The following APBA1 variants were observed in gnomAD, a reference collection of about 807,000 sequenced individuals.
APBA1 encodes amyloid-beta A4 precursor protein-binding family A member 1.
In APBA1, 55 loss-of-function variants were observed where a neutral mutation model predicts 86.6. That is an observed-to-expected ratio of 0.64 (90% CI 0.51 to 0.80). The LOEUF (loss-of-function observed/expected upper bound fraction) is 0.80. Ranked by LOEUF, APBA1 falls within the 30% of genes least tolerant of loss-of-function variation. APBA1 has a pLI of 0.00. For synonymous variants in APBA1, 511 were observed against 493.9 expected (o/e 1.03, Z -0.46); for missense variants, 1,090 against 1,183.0 (o/e 0.92, Z 1.15).
intron 11 of APBA1, among the ~76,000 whole-genome samples, chr9:69,432,892 T>C (rs759246817): frequency 4.6e-5 from 7 of 152,150 alleles, no homozygotes; most frequent in Admixed American, 2.0e-4. Context: ...ACAGAGACTG[T>C]AGCACATCAC....
At chr9:69,475,130 G>A (rs1265378324) in intron 3 of APBA1, among the ~76,000 whole-genome samples, 1 of 152,170 alleles carries the variant, frequency 6.6e-6, no homozygotes, top group Admixed American at 6.5e-5. Context: ...CCTGGGTACG[G>A]GGGAAGGCAG....
chr9:69,471,356 A>G (rs1487952343), intron 4 of APBA1, among the ~76,000 whole-genome samples: 3 of 152,110 alleles, frequency 2.0e-5, no homozygotes, highest in Non-Finnish European at 4.4e-5. Flanking sequence ...GAATAAGGAG[A>G]CTTGGGTTTT....
At chr9:69,461,535 G>A (rs556820666) in intron 5 of APBA1, 13 of 152,228 alleles carry the variant, frequency 8.5e-5, no homozygotes, top group Non-Finnish European at 1.8e-4. Context: ...ACACCCCTGT[G>A]AGCTACTACC....
chr9:69,633,404 A>C (rs1383539333), intron 1 of APBA1, among the ~76,000 whole-genome samples: 2 of 152,182 alleles, frequency 1.3e-5, no homozygotes, highest in African/African-American at 4.8e-5. Flanking sequence ...AATACTTTCT[A>C]TAAGCAGAAA....
chr9:69,465,824 TAGA>T (rs1422448178), intron 5 of APBA1, among the ~76,000 whole-genome samples: 1 of 152,194 alleles, frequency 6.6e-6, no homozygotes, highest in Non-Finnish European at 1.5e-5. Flanking sequence ...AGGCTAATTT[TAGA>T]AGAAGACAAA....
chr9:69,558,866 A>G (rs919765558), intron 1 of APBA1, among the ~76,000 whole-genome samples: 2 of 152,106 alleles, frequency 1.3e-5, no homozygotes, highest in Non-Finnish European at 2.9e-5. Flanking sequence ...TTGCAAGATT[A>G]CTTTAAATTT....
chr9:69,639,407 A>G (rs1823241622), intron 1 of APBA1, among the ~76,000 whole-genome samples: 4 of 152,148 alleles, frequency 2.6e-5, no homozygotes, highest in South Asian at 2.1e-4. Flanking sequence ...AAACTAAGAG[A>G]ACCTCTCAGG....
At chr9:69,544,059 C>A (rs147652478) in intron 1 of APBA1, among the ~76,000 whole-genome samples, 1 of 152,116 alleles carries the variant, frequency 6.6e-6, no homozygotes, top group African/African-American at 2.4e-5. Context: ...GTGGAGTGCT[C>A]GTATCAAGAA....
At chr9:69,497,531 G>T (rs1374370246) in intron 2 of APBA1, among the ~76,000 whole-genome samples, 1 of 152,160 alleles carries the variant, frequency 6.6e-6, no homozygotes, top group Non-Finnish European at 1.5e-5. Context: ...CATCCCCAAA[G>T]TCCGAGAGTA....
At chr9:69,510,876 A>G (rs1191388675) in intron 2 of APBA1, among the ~76,000 whole-genome samples, 1 of 146,076 alleles carries the variant, frequency 6.8e-6, no homozygotes, top group Admixed American at 6.9e-5. Context: ...CATATGTAGA[A>G]AGCTGAAACT....
chr9:69,584,367 T>A (rs1219072661), intron 1 of APBA1, among the ~76,000 whole-genome samples: 2 of 152,178 alleles, frequency 1.3e-5, no homozygotes, highest in African/African-American at 4.8e-5. Context: ...TATCCTCACA[T>A]TAAGCCTATG....
At chr9:69,489,905 A>C (rs1274142460) in intron 2 of APBA1, among the ~76,000 whole-genome samples, 1 of 152,170 alleles carries the variant, frequency 6.6e-6, no homozygotes, top group Non-Finnish European at 1.5e-5. Flanking sequence ...ACCCTTGTGG[A>C]AGTCAGTGTG....
At chr9:69,524,428 G>A (rs1224292278) in intron 1 of APBA1, among the ~76,000 whole-genome samples, 4 of 151,952 alleles carry the variant, frequency 2.6e-5, no homozygotes, top group Admixed American at 2.6e-4. Context: ...AAATACAATA[G>A]ATACTCACAG....
At chr9:69,558,557 CACACATATAT>C (rs1010632036) in intron 1 of APBA1, among the ~76,000 whole-genome samples, 144 of 133,910 alleles carry the variant, frequency 1.1e-3, no homozygotes, top group African/African-American at 3.7e-3. Flanking sequence ...CACACACACA[CACACATATAT>C]ATATATATAT....
intron 1 of APBA1, among the ~76,000 whole-genome samples, chr9:69,620,699 G>A (rs372133449): frequency 1.3e-5 from 2 of 152,220 alleles, no homozygotes; most frequent in South Asian, 4.1e-4. Context: ...ACAAAACTGA[G>A]AGACAGAGTG....
intron 1 of APBA1, among the ~76,000 whole-genome samples, chr9:69,601,759 T>C (rs1822353541): frequency 1.3e-5 from 2 of 152,240 alleles, no homozygotes; most frequent in South Asian, 2.1e-4. Context: ...GCAGTCTCCT[T>C]TGGCAGTGCT....
intron 1 of APBA1, among the ~76,000 whole-genome samples, chr9:69,658,282 T>TTC (rs748330338): frequency 0.11 from 4,508 of 39,452 alleles, 294 homozygotes; most frequent in Middle Eastern, 0.18. Context: ...CTTTCTTTCT[T>TTC]TCTCTCTCTC....
At chr9:69,540,706 C>G (rs1265295202) in intron 1 of APBA1, among the ~76,000 whole-genome samples, 3 of 152,186 alleles carry the variant, frequency 2.0e-5, no homozygotes, top group Non-Finnish European at 4.4e-5. Context: ...TCAAGCGGTT[C>G]TCCCACTTCA....
At chr9:69,529,885 G>A (rs1444906043) in intron 1 of APBA1, among the ~76,000 whole-genome samples, 1 of 152,006 alleles carries the variant, frequency 6.6e-6, no homozygotes, top group Non-Finnish European at 1.5e-5. Context: ...CTGTGCAAAT[G>A]ACATGAGCAG....
Sources: gnomAD v4.1 joint callset for allele counts (sites outside exome capture counted in the v4.1 genomes callset) on GRCh38, gnomAD v4.1.1 for gene constraint, MANE v1.5 for transcripts, NCBI Gene and HGNC (gene_info 2026-07-23, HGNC 2026-07-21) for gene names.